Variants in HSD17B12 observed in about 807,000 individuals in gnomAD.
The protein encoded by HSD17B12 is hydroxysteroid 17-beta dehydrogenase 12, also known as very-long-chain 3-oxoacyl-CoA reductase.
In HSD17B12, 32 loss-of-function variants were observed where a neutral mutation model predicts 39.3. The ratio of observed to expected loss-of-function variants is 0.81; its 90% CI spans 0.61 to 1.09. The LOEUF (loss-of-function observed/expected upper bound fraction) is 1.09, where lower values mean the gene tolerates loss of function less well. HSD17B12 is among the 50% of genes least tolerant of loss of function. The probability of loss-of-function intolerance (pLI) is 0.00; values close to 1 mark genes in which losing one functional copy is unlikely to be tolerated. For synonymous variants in HSD17B12, 150 were observed against 146.7 expected (o/e 1.02, Z -0.16); for missense variants, 342 against 382.9 (o/e 0.89, Z 0.89).
chr11:43,589,041 C>T, the HSD17B12 span, among the ~76,000 whole-genome samples: 1 of 151,508 alleles, frequency 6.6e-6, no homozygotes, highest in African/African-American at 2.4e-5. Context: ...ACCTAGGATA[C>T]TTTTATTTTC....
the HSD17B12 span, chr11:43,578,848 C>T: frequency 6.6e-6 from 1 of 152,176 alleles, no homozygotes; most frequent in Non-Finnish European, 1.5e-5. Context: ...CTTCCCCACC[C>T]CTTCTCATTG....
intron 6 of HSD17B12, among the ~76,000 whole-genome samples, chr11:43,825,545 A>G (rs1254139518): frequency 6.6e-6 from 1 of 152,256 alleles, no homozygotes; most frequent in Non-Finnish European, 1.5e-5. Flanking sequence ...TCAAGAATTT[A>G]ACAACATTAG....
At chr11:43,771,156 C>T (rs1034466846) in intron 3 of HSD17B12, among the ~76,000 whole-genome samples, 3 of 152,146 alleles carry the variant, frequency 2.0e-5, no homozygotes, top group Non-Finnish European at 4.4e-5. Context: ...ACTTCTTGGA[C>T]TTTATAGAAA....
chr11:43,627,655 G>A, the HSD17B12 span, among the ~76,000 whole-genome samples: 1 of 151,856 alleles, frequency 6.6e-6, no homozygotes, highest in African/African-American at 2.4e-5. Flanking sequence ...CTGAAATAAT[G>A]CCAATGCTTA....
chr11:43,616,967 A>G, the HSD17B12 span, among the ~76,000 whole-genome samples: 1 of 149,084 alleles, frequency 6.7e-6, no homozygotes, highest in Non-Finnish European at 1.5e-5. Flanking sequence ...ACAAGACTCT[A>G]TCTCAAATTA....
At chr11:43,742,329 T>C (rs867073592) in intron 1 of HSD17B12, among the ~76,000 whole-genome samples, 8 of 150,612 alleles carry the variant, frequency 5.3e-5, no homozygotes, top group Admixed American at 2.6e-4. Context: ...TTTTGTAGGA[T>C]TGGGGTCTCG....
intron 9 of HSD17B12, chr11:43,854,339 CA>C: frequency 6.0e-6 from 1 of 167,192 alleles, no homozygotes; most frequent in Non-Finnish European, 1.3e-5. Flanking sequence ...AATAAAGTAT[CA>C]AAGATCTCCT....
chr11:43,814,285 C>T (rs1951101037), intron 4 of HSD17B12, among the ~76,000 whole-genome samples: 1 of 151,940 alleles, frequency 6.6e-6, no homozygotes, highest in African/African-American at 2.4e-5. Context: ...TTTGCTCTAT[C>T]ACCGGGCAAT....
chr11:43,825,086 G>A (rs1259322645), intron 6 of HSD17B12, among the ~76,000 whole-genome samples: 2 of 151,628 alleles, frequency 1.3e-5, no homozygotes, highest in Admixed American at 6.6e-5. Context: ...GGCCAAGATC[G>A]TGCCACTGGA....
the HSD17B12 span, among the ~76,000 whole-genome samples, chr11:43,593,411 T>C: frequency 6.6e-6 from 1 of 152,332 alleles, no homozygotes; most frequent in East Asian, 1.9e-4. Flanking sequence ...CTCAGAACTT[T>C]TTTTTGCCTC....
chr11:43,653,974 A>T, the HSD17B12 span, among the ~76,000 whole-genome samples: 1 of 152,160 alleles, frequency 6.6e-6, no homozygotes, highest in African/African-American at 2.4e-5. Flanking sequence ...CGCCACACTG[A>T]CTTCCACAAT....
chr11:43,617,214 C>T, the HSD17B12 span, among the ~76,000 whole-genome samples: 2 of 152,148 alleles, frequency 1.3e-5, no homozygotes, highest in African/African-American at 4.8e-5. Context: ...TGATGAGTGA[C>T]TCAGGGAGAT....
intron 6 of HSD17B12, among the ~76,000 whole-genome samples, chr11:43,825,147 T>C (rs61883833): frequency 0.054 from 8,257 of 151,814 alleles, 261 homozygotes; most frequent in African/African-American, 0.069. Flanking sequence ...AAAAAAAATT[T>C]GGAGTGGAGG....
intron 3 of HSD17B12, among the ~76,000 whole-genome samples, chr11:43,778,104 A>T (rs1322732753): frequency 6.6e-6 from 1 of 152,126 alleles, no homozygotes; most frequent in Non-Finnish European, 1.5e-5. Context: ...TAATAAAGAA[A>T]AAAAGAGAGA....
At chr11:43,822,472 T>A (rs2135093709) in intron 6 of HSD17B12, among the ~76,000 whole-genome samples, 1 of 152,304 alleles carries the variant, frequency 6.6e-6, no homozygotes, top group East Asian at 1.9e-4. Flanking sequence ...CCTAATGCTA[T>A]CCCTCCCCAC....
the HSD17B12 span, among the ~76,000 whole-genome samples, chr11:43,580,036 C>T: frequency 4.0e-5 from 6 of 150,600 alleles, no homozygotes; most frequent in Admixed American, 4.0e-4. Flanking sequence ...GTCAGGACGT[C>T]CCTTAGCCCA....
intron 1 of HSD17B12, among the ~76,000 whole-genome samples, chr11:43,725,413 T>C (rs943388457): frequency 1.3e-5 from 2 of 152,190 alleles, no homozygotes; most frequent in African/African-American, 4.8e-5. Context: ...GTAATAACAA[T>C]GATGGGGATA....
chr11:43,578,574 C>T, the HSD17B12 span, among the ~76,000 whole-genome samples: 1 of 152,210 alleles, frequency 6.6e-6, no homozygotes, highest in Admixed American at 6.5e-5. Flanking sequence ...CTCGGCCCAC[C>T]CCGCGGCCTC....
the HSD17B12 span, among the ~76,000 whole-genome samples, chr11:43,619,242 TAAA>T: frequency 5.9e-4 from 19 of 31,964 alleles, no homozygotes; most frequent in African/African-American, 2.3e-3. Flanking sequence ...TATATATATA[TAAA>T]ATATATATAT....
Sources: allele counts gnomAD v4.1 joint callset (sites outside exome capture counted in the v4.1 genomes callset), GRCh38; gene constraint gnomAD v4.1.1; transcripts MANE v1.5; gene names NCBI Gene and HGNC (gene_info 2026-07-23, HGNC 2026-07-21).